The following CSMD2 variants were observed in gnomAD, a reference collection of about 807,000 sequenced individuals.
CSMD2 encodes the protein CUB and sushi domain-containing protein 2.
Under a neutral mutation model 398.5 loss-of-function variants are expected in CSMD2, and 130 were observed. The ratio of observed to expected loss-of-function variants is 0.33; its 90% CI spans 0.28 to 0.38. CSMD2 has a LOEUF of 0.38. Ranked by LOEUF, CSMD2 falls within the 10% of genes least tolerant of loss-of-function variation. The pLI is 1.00. For missense variants in CSMD2, 3,829 were observed against 4,764.9 expected (o/e 0.80, Z 5.78); for synonymous variants, 1,828 against 1,908.5 (o/e 0.96, Z 1.10).
rs113997998 is a variant in CSMD2 at position 33,691,890 on chromosome 1, T to C, written c.4052+1040A>G. Among the ~76,000 whole-genome samples the C allele has an allele frequency of 2.7e-3, 414 of 152,264 alleles. 1 individual carries two copies. The highest frequency in any genetic ancestry group is 9.6e-3 in the African/African-American group (398 of 41,556). Reference sequence around the variant, plus strand: ...CCAATTCCCTTGTTCTATCCTCCTTTCATACCTCCGCTCATACTGCTACCC... The same window carrying C: ...CCAATTCCCTTGTTCTATCCTCCTTCCATACCTCCGCTCATACTGCTACCC... On this transcript the variant is annotated intron_variant, in intron 25 of 70. Coordinates refer to ENST00000373381, the MANE Select transcript of CSMD2 (RefSeq NM_001281956.2).
intron 65 of CSMD2, among the ~76,000 whole-genome samples, chr1:33,526,135 T>C (rs902768805): frequency 2.0e-5 from 3 of 152,016 alleles, no homozygotes; most frequent in Non-Finnish European, 2.9e-5. Context: ...TATTTGTCAA[T>C]TAAAATTAAA....
intron 4 of CSMD2, among the ~76,000 whole-genome samples, chr1:33,921,612 G>A (rs1280479466): frequency 6.6e-6 from 1 of 152,212 alleles, no homozygotes; most frequent in African/African-American, 2.4e-5. Flanking sequence ...AAGCACAGGA[G>A]TGTGCTGGAA....
chr1:33,861,833 C>T (rs994755724), intron 5 of CSMD2, among the ~76,000 whole-genome samples: 1 of 152,148 alleles, frequency 6.6e-6, no homozygotes, highest in African/African-American at 2.4e-5. Context: ...GAGAGGACAC[C>T]TTATGAGGAC....
intron 1 of CSMD2, among the ~76,000 whole-genome samples, chr1:34,103,709 T>C (rs541964268): frequency 6.6e-6 from 1 of 152,230 alleles, no homozygotes; most frequent in South Asian, 2.1e-4. Flanking sequence ...TAATCTTTTG[T>C]ATTAGGTTGG....
intron 62 of CSMD2, among the ~76,000 whole-genome samples, chr1:33,535,926 C>A (rs1439486560): frequency 6.6e-6 from 1 of 152,172 alleles, no homozygotes; most frequent in African/African-American, 2.4e-5. Context: ...CCCTTTATAT[C>A]AATCACCGTG....
chr1:33,897,881 G>A (rs1002414274), intron 5 of CSMD2, among the ~76,000 whole-genome samples: 1 of 152,222 alleles, frequency 6.6e-6, no homozygotes, highest in Non-Finnish European at 1.5e-5. Context: ...AGACCCGACG[G>A]AGGAGGTATT....
At chr1:33,567,477 TC>T in intron 53 of CSMD2, 115 bp downstream of exon 53, 1 of 464,144 alleles carries the variant, frequency 2.2e-6, no homozygotes, top group East Asian at 5.2e-5. Flanking sequence ...AAAATAGCAA[TC>T]ATATATATAT....
Position 33,567,777 on chromosome 1 carries a change from G to A in CSMD2, c.8196C>T (p.Ser2732=). Residue 2732 remains serine (S), a synonymous_variant, in exon 53 of 71, where the codon TCC becomes TCT. Transcript: ENST00000373381. ...TCCCACAGTGTCCAGCTTTGGTGAG[G>A]GATGGGGAAGAGAGTACATCGAAGA... ...KLLFDVLSSP[S]LTKAGHCGTP... is the part of the protein sequence containing the mutation. 1.2e-6 allele frequency: 2 copies of A among 1,613,660 alleles called. No homozygotes were observed. The highest frequency in any genetic ancestry group is 1.7e-6 in the Non-Finnish European group (2 of 1,179,812).
intron 25 of CSMD2, among the ~76,000 whole-genome samples, chr1:33,683,749 C>A (rs1644977709): frequency 6.6e-6 from 1 of 152,202 alleles, no homozygotes; most frequent in Non-Finnish European, 1.5e-5. Flanking sequence ...TCCAGGCTAT[C>A]CACATCCTCT....
chr1:33,791,102 G>A (rs1437605075), intron 11 of CSMD2, among the ~76,000 whole-genome samples: 1 of 152,180 alleles, frequency 6.6e-6, no homozygotes, highest in African/African-American at 2.4e-5. Flanking sequence ...AACAGCCTCA[G>A]GACAAGCCAG....
chr1:33,889,784 T>C lies in CSMD2; in HGVS notation c.920+28310A>G, dbSNP rs1426594738. ...GTGTGTGTGTGTGTGTGTGTGTGTG[T>C]GCATGCGCCAGCGTGTGTGTGTGTA... is the stretch of plus-strand genomic sequence containing the variant. On this transcript the variant is annotated intron_variant, in intron 5 of 70. Transcript: ENST00000373381. Among the ~76,000 whole-genome samples the C allele has an allele frequency of 2.7e-5, 4 of 147,616 alleles. No individual in the cohort carries two copies. In the East Asian group the frequency reaches 6.1e-4, roughly 23 times the overall value.
chr1:33,782,120 T>C (rs950381321), intron 12 of CSMD2, among the ~76,000 whole-genome samples: 2 of 151,932 alleles, frequency 1.3e-5, no homozygotes, highest in Non-Finnish European at 2.9e-5. Flanking sequence ...AAATGATGGA[T>C]ATGGGAGGTC....
chr1:34,102,133 C>A (rs1419948954), intron 1 of CSMD2, among the ~76,000 whole-genome samples: 1 of 152,066 alleles, frequency 6.6e-6, no homozygotes, highest in South Asian at 2.1e-4. Flanking sequence ...CAGGTTAATG[C>A]CATTCTCCTG....
intron 13 of CSMD2, among the ~76,000 whole-genome samples, chr1:33,756,386 A>C (rs1649019527): frequency 6.6e-6 from 1 of 152,294 alleles, no homozygotes; most frequent in African/African-American, 2.4e-5. Flanking sequence ...TGGATAAGCA[A>C]GTCCTTAGCC....
intron 5 of CSMD2, among the ~76,000 whole-genome samples, chr1:33,866,766 A>G (rs1289408281): frequency 2.0e-5 from 3 of 152,052 alleles, no homozygotes; most frequent in Non-Finnish European, 4.4e-5. Context: ...GTACACTCAT[A>G]CAAGTTCACT....
intron 5 of CSMD2, among the ~76,000 whole-genome samples, chr1:33,912,186 T>C (rs188537540): frequency 2.0e-4 from 30 of 152,024 alleles, no homozygotes; most frequent in Admixed American, 1.9e-3. Flanking sequence ...TGTGGGGACA[T>C]AGAGAATGGG....
intron 3 of CSMD2, among the ~76,000 whole-genome samples, chr1:33,992,578 A>C (rs966125329): frequency 2.0e-5 from 3 of 151,166 alleles, no homozygotes; most frequent in African/African-American, 4.9e-5. Context: ...ATAAAATGTT[A>C]GATAACTCGG....
intron 1 of CSMD2, among the ~76,000 whole-genome samples, chr1:34,148,131 A>G (rs1639953155): frequency 6.6e-6 from 1 of 152,236 alleles, no homozygotes. Context: ...CCAGATCCAT[A>G]GAAGTCTACC....
chr1:34,061,966 G>T (rs1345844050), intron 2 of CSMD2, among the ~76,000 whole-genome samples: 3 of 152,154 alleles, frequency 2.0e-5, no homozygotes, highest in African/African-American at 7.2e-5. Context: ...TAGGGTAATT[G>T]CTTCAAGCCT....
Sources: allele counts gnomAD v4.1 joint callset (sites outside exome capture counted in the v4.1 genomes callset), GRCh38; gene constraint gnomAD v4.1.1; transcripts MANE v1.5; gene names NCBI Gene and HGNC (gene_info 2026-07-23, HGNC 2026-07-21).